Variants in AMER3 observed in about 807,000 individuals in gnomAD.
AMER3 encodes family with sequence similarity 123C.
For synonymous variants in AMER3, 541 were observed against 485.5 expected, an observed-to-expected ratio of 1.11 and a Z score of -1.50; for missense variants, 1,201 against 1,139.4, an observed-to-expected ratio of 1.05 and a Z score of -0.78.
chr2:130,759,489 A>T (rs1678713562), intron 1 of AMER3, among the ~76,000 whole-genome samples: 1 of 152,232 alleles, frequency 6.6e-6, no homozygotes, highest in Admixed American at 6.5e-5. Context: ...ATGTCAATCA[A>T]AAGATTTTTC....
At chr2:130,756,337 C>G (rs1678608485) in intron 1 of AMER3, 1 of 151,056 alleles carries the variant, frequency 6.6e-6, no homozygotes, top group South Asian at 2.1e-4. Context: ...ACGCGGTGCC[C>G]GAGCCTGTCG....
intron 1 of AMER3, among the ~76,000 whole-genome samples, chr2:130,757,616 C>T (rs1402174529): frequency 6.6e-6 from 1 of 152,180 alleles, no homozygotes; most frequent in Admixed American, 6.5e-5. Context: ...TCTTGCTCCT[C>T]GGGGCCTTTC....
chr2:130,763,840 C>G lies in AMER3; in HGVS notation c.1768C>G (p.Gln590Glu). 5.0e-6 allele frequency: 8 copies of G among 1,613,292 alleles called. No individual in the cohort carries two copies. Among genetic ancestry groups the G allele is most frequent in the Non-Finnish European group, 6.8e-6 (8 of 1,180,006 alleles). ...GAGCAAGGCCCTCGGAGGGGCCACA[C>G]AAGGGACTGGCACACTGTCCAGGGA... is the stretch of plus-strand genomic sequence containing the variant. ...GESKALGGAT[Q>E]GTGTLSRDAS... The change falls in exon 2 of 2, where the codon CAA (glutamine) becomes GAA (glutamate). Residue 590 changes from glutamine to glutamate, a missense_variant. Transcript: ENST00000321420.
intron 1 of AMER3, among the ~76,000 whole-genome samples, chr2:130,757,607 C>T (rs1053709449): frequency 6.6e-6 from 1 of 152,228 alleles, no homozygotes; most frequent in Non-Finnish European, 1.5e-5. Context: ...TTCTACTTCT[C>T]TTGCTCCTCG....
rs768947744 is a variant in AMER3 at position 130,764,155 on chromosome 2, T to C, written c.2083T>C (p.Trp695Arg). 1.2e-6 allele frequency: 2 copies of C among 1,610,028 alleles called. No homozygotes were observed. The highest frequency in any genetic ancestry group is 2.2e-5 in the East Asian group (1 of 44,764). Reference protein sequence around the residue: ...ISSNEQPPAAWPPRQDMGSGL... With the variant: ...ISSNEQPPAARPPRQDMGSGL... ...CTCAAACGAACAGCCCCCGGCCGCA[T>C]GGCCTCCAAGGCAAGACATGGGCAG... Residue 695 changes from tryptophan to arginine, a missense_variant, in exon 2 of 2, where the codon TGG (tryptophan) becomes CGG (arginine). By Grantham distance (101) the Trp-to-Arg change is moderately radical (BLOSUM62 -3). Transcript: ENST00000321420.
Position 130,762,113 on chromosome 2 carries a change from T to C in AMER3, c.41T>C (p.Leu14Pro), listed in dbSNP as rs1303225721. Residue 14 changes from leucine to proline, a missense_variant, in exon 2 of 2, where the codon CTG becomes CCG. By Grantham distance (98) the Leu-to-Pro change is moderately conservative. Coordinates refer to ENST00000321420, the MANE Select transcript of AMER3 (RefSeq NM_152698.3). ...KRGKTFIKSSLQVSHEKPPDP... is the reference protein window; with the variant it reads ...KRGKTFIKSSPQVSHEKPPDP... ...GGAAAGACCTTCATCAAGTCCAGCC[T>C]GCAGGTTTCCCACGAGAAACCCCCA... The C allele has an allele frequency of 1.9e-6, 3 of 1,611,230 alleles. No individual in the cohort carries two copies. The highest frequency in any genetic ancestry group is 1.7e-5 in the Admixed American group (1 of 59,692).
intron 1 of AMER3, among the ~76,000 whole-genome samples, chr2:130,759,202 A>C (rs1056437691): frequency 3.9e-5 from 6 of 152,206 alleles, no homozygotes; most frequent in African/African-American, 1.2e-4. Flanking sequence ...AGTGCTCAAT[A>C]AACTCAGGAG....
At position 130,763,785 on chromosome 2, in the gene AMER3, C is replaced by A; in HGVS notation, c.1713C>A (p.His571Gln). The change falls in exon 2 of 2, where the codon CAC becomes CAA. Residue 571 changes from histidine to glutamine, a missense_variant. His to Gln is a conservative substitution (Grantham distance 24). Coordinates refer to ENST00000321420, the MANE Select transcript of AMER3 (RefSeq NM_152698.3). ...SAPSRQELWAHPGTTGLLAGE... is the reference protein window; with the variant it reads ...SAPSRQELWAQPGTTGLLAGE... ...CCAGCAGGCAGGAGCTGTGGGCACA[C>A]CCGGGCACCACAGGCCTGCTCGCCG... 1 of 1,607,532 alleles carries A rather than the reference C, an allele frequency of 6.2e-7. No individual in the cohort carries two copies. The highest frequency in any genetic ancestry group is 1.7e-4 in the Middle Eastern group (1 of 6,030).
rs565272682 is a variant in AMER3, at chr2:130,762,446, G to T, written c.374G>T (p.Arg125Leu). 14 of 1,612,938 alleles carry T rather than the reference G, an allele frequency of 8.7e-6. No homozygotes were observed. The East Asian group carries it at 2.9e-4, about 33-fold the overall frequency. Residue 125 changes from arginine (R) to leucine (L), a missense_variant, in exon 2 of 2, where the codon CGC becomes CTC. Coordinates refer to ENST00000321420, the MANE Select transcript of AMER3 (RefSeq NM_152698.3). Reference sequence around the variant, plus strand: ...TTCCCGGGCTCCCCGGGCAGCCGGCGCATGATCGACTACCGCCACTTTGTG... The same window carrying T: ...TTCCCGGGCTCCCCGGGCAGCCGGCTCATGATCGACTACCGCCACTTTGTG... ...ASFPGSPGSR[R>L]MIDYRHFVPQ...
rs201403740 is a variant in AMER3, at chr2:130,763,366, G to A, written c.1294G>A (p.Gly432Ser). The change falls in exon 2 of 2, where the codon GGT becomes AGT. Residue 432 changes from glycine (G) to serine (S), a missense_variant. Physicochemically the swap from Gly to Ser is moderately conservative, Grantham distance 56 (BLOSUM62 0). Coordinates refer to ENST00000321420, the MANE Select transcript of AMER3 (RefSeq NM_152698.3). ...CGAGCTCTTCCACGACCCCAGCGAG[G>A]GTCCTCTTGGCCCCAGCCCAGATGA... ...LYELFHDPSE[G>S]PLGPSPDDDL... The A allele has an allele frequency of 4.3e-5, 69 of 1,613,236 alleles. No homozygotes were observed. The East Asian group carries it at 1.4e-3, about 33-fold the overall frequency.
intron 1 of AMER3, chr2:130,755,956 G>T (rs1245031408): frequency 6.6e-6 from 1 of 152,206 alleles, no homozygotes; most frequent in African/African-American, 2.4e-5. Flanking sequence ...CCGTGCGCAC[G>T]GGGGCGAGGG....
intron 1 of AMER3, among the ~76,000 whole-genome samples, chr2:130,757,861 G>A (rs561316556): frequency 4.0e-4 from 61 of 152,318 alleles, no homozygotes; most frequent in African/African-American, 1.3e-3. Context: ...GGCCGGGAGC[G>A]GTGGCTTACG....
chr2:130,763,188 C>G lies in AMER3; in HGVS notation c.1116C>G (p.Pro372=). 2 of 1,613,776 alleles carry G rather than the reference C, an allele frequency of 1.2e-6. No individual in the cohort carries two copies. Among genetic ancestry groups the G allele is most frequent in the Non-Finnish European group, 1.7e-6 (2 of 1,180,016 alleles). ...CCAGCTCCATCGACACAGGCACCCC[C>G]AAGAGCGAGCAGCCCGAATCCGTGT... is the stretch of plus-strand genomic sequence containing the variant. The part of the protein sequence containing the change: ...SKASSIDTGT[P]KSEQPESVST... Residue 372 remains proline (P), a synonymous_variant, in exon 2 of 2, where the codon CCC becomes CCG. Coordinates refer to ENST00000321420, the MANE Select transcript of AMER3 (RefSeq NM_152698.3).
chr2:130,764,543 G>A lies in AMER3; in HGVS notation c.2471G>A (p.Gly824Glu), dbSNP rs760682073. 1.2e-4 allele frequency: 191 copies of A among 1,604,166 alleles called. 3 individuals carry two copies. In the Middle Eastern group the frequency reaches 8.3e-3, roughly 70 times the overall value. Residue 824 changes from glycine (G) to glutamate (E), a missense_variant, in exon 2 of 2, where the codon GGG (glycine) becomes GAG (glutamate). By Grantham distance (98) the Gly-to-Glu change is moderately conservative. Coordinates refer to ENST00000321420, the MANE Select transcript of AMER3 (RefSeq NM_152698.3). ...ACTTTGAACAGCCAGCAGGAAGGGG[G>A]GGTCTCTGCAAGTGCCCCAGAATGC... The part of the protein sequence containing the change: ...GLTLNSQQEG[G>E]VSASAPECRC...
chr2:130,758,055 A>AC (rs573660589), intron 1 of AMER3, among the ~76,000 whole-genome samples: 11 of 152,070 alleles, frequency 7.2e-5, no homozygotes, highest in Non-Finnish European at 8.8e-5. Context: ...AATGGTGTGA[A>AC]CCCGCGAGGT....
At chr2:130,761,921 C>A in intron 1 of AMER3, 133 bp from the exon 2 acceptor site, 1 of 892,184 alleles carries the variant, frequency 1.1e-6, no homozygotes, top group Non-Finnish European at 1.7e-6. Context: ...TCTTTCTCCC[C>A]CACCTGCAAG....
chr2:130,763,770 G>T lies in AMER3; in HGVS notation c.1698G>T (p.Gln566His). 6.2e-7 allele frequency: 1 copy of T among 1,601,968 alleles called. No homozygotes were observed. Among genetic ancestry groups the T allele is most frequent in the Non-Finnish European group, 8.5e-7 (1 of 1,174,030 alleles). Reference sequence around the variant, plus strand: ...CAGTTTGCTCAGCACCCAGCAGGCAGGAGCTGTGGGCACACCCGGGCACCA... The same window carrying T: ...CAGTTTGCTCAGCACCCAGCAGGCATGAGCTGTGGGCACACCCGGGCACCA... ...GATVCSAPSRQELWAHPGTTG... is the reference protein window; with the variant it reads ...GATVCSAPSRHELWAHPGTTG... Residue 566 changes from glutamine to histidine, a missense_variant, in exon 2 of 2, where the codon CAG becomes CAT. Gln to His is a conservative substitution (Grantham distance 24). Transcript: ENST00000321420.
intron 1 of AMER3, 119 bp from the exon 2 acceptor site, chr2:130,761,935 G>T: frequency 2.0e-6 from 2 of 977,186 alleles, no homozygotes; most frequent in Non-Finnish European, 3.0e-6. Context: ...CTGCAAGGAG[G>T]ATCTCCTGGG....
At position 130,762,038 on chromosome 2, in the gene AMER3, C is replaced by A; in HGVS notation, c.-19-16C>A. The A allele has an allele frequency of 6.3e-7, 1 of 1,594,770 alleles. No individual in the cohort carries two copies. Among genetic ancestry groups the A allele is most frequent in the South Asian group, 1.1e-5 (1 of 87,946 alleles). On this transcript the variant is annotated splice_polypyrimidine_tract_variant and intron_variant, in intron 1 of 1. Coordinates refer to ENST00000321420, the MANE Select transcript of AMER3 (RefSeq NM_152698.3). ...TCCCGTCTATGATACTGAGTGCCTC[C>A]TGCTTTCCTCCACAGCAGCTGGGGC... is the stretch of plus-strand genomic sequence containing the variant.
Sources: allele counts gnomAD v4.1 joint callset (sites outside exome capture counted in the v4.1 genomes callset), GRCh38; gene constraint gnomAD v4.1.1; transcripts MANE v1.5; gene names NCBI Gene and HGNC (gene_info 2026-07-23, HGNC 2026-07-21).